HIVEP2: variants seen among roughly 807,000 people sequenced by gnomAD.
HIVEP2 encodes HIVEP zinc finger 2, also known as transcription factor HIVEP2.
In HIVEP2, 14 loss-of-function variants were observed where a neutral mutation model predicts 180.7. The observed-to-expected ratio is 0.08, with a 90% CI of 0.05 to 0.12. HIVEP2 has a LOEUF of 0.12. Ranked by LOEUF, HIVEP2 falls within the 10% of genes least tolerant of loss-of-function variation. HIVEP2 has a pLI of 1.00. For synonymous variants in HIVEP2, 1,184 were observed against 1,136.4 expected (o/e 1.04, Z -0.84); for missense variants, 2,579 against 3,008.5 (o/e 0.86, Z 3.34).
intron 1 of HIVEP2, among the ~76,000 whole-genome samples, chr6:142,913,544 T>C (rs1046629068): frequency 6.6e-6 from 1 of 152,236 alleles, no homozygotes; most frequent in Non-Finnish European, 1.5e-5. Context: ...ACTAAGTTTC[T>C]AGGCACTTTC....
At position 142,809,088 on chromosome 6, in the gene HIVEP2, T is replaced by C. The variant is rs1414697071; in HGVS notation, c.-527-25473A>G. ...ATATCACAGTATCAGTAGTATGGTA[T>C]GCCCAGCAGCAGGCAGAAAACATGC... On this transcript the variant is annotated intron_variant, in intron 2 of 9. Coordinates refer to ENST00000367603, the MANE Select transcript of HIVEP2 (RefSeq NM_006734.4). 5.3e-5 allele frequency among the ~76,000 whole-genome samples: 8 copies of C among 152,042 alleles called. No individual in the cohort carries two copies. In the East Asian group the frequency reaches 9.7e-4, roughly 18 times the overall value.
chr6:142,775,964 A>T (rs1775688159), intron 4 of HIVEP2, among the ~76,000 whole-genome samples, 183 bp downstream of exon 4: 1 of 151,816 alleles, frequency 6.6e-6, no homozygotes, highest in Non-Finnish European at 1.5e-5. Context: ...ATTACTATAA[A>T]GTATAACTAT....
chr6:142,904,406 T>C (rs780462847), intron 1 of HIVEP2, among the ~76,000 whole-genome samples: 33 of 152,318 alleles, frequency 2.2e-4, no homozygotes, highest in Middle Eastern at 3.4e-3. Context: ...AATTACATAG[T>C]TCCTTGTAAA....
chr6:142,823,766 T>C (rs1268550143), intron 2 of HIVEP2, among the ~76,000 whole-genome samples: 1 of 152,226 alleles, frequency 6.6e-6, no homozygotes, highest in Non-Finnish European at 1.5e-5. Context: ...ATGATGCCAA[T>C]TCTTTACATT....
chr6:142,908,854 CAAAAAAA>C (rs11443809), intron 1 of HIVEP2, among the ~76,000 whole-genome samples: 6 of 87,880 alleles, frequency 6.8e-5, no homozygotes, highest in African/African-American at 1.8e-4. Flanking sequence ...TACCACCTCT[CAAAAAAA>C]AAAAAAAAAA....
rs1317831269 is a variant in HIVEP2, at chr6:142,769,556, G to A, written c.5183C>T (p.Thr1728Ile). 1.2e-6 allele frequency: 2 copies of A among 1,613,518 alleles called. No homozygotes were observed. The highest frequency in any genetic ancestry group is 1.1e-5 in the South Asian group (1 of 91,018). The change falls in exon 5 of 10, where the codon ACT becomes ATT. Residue 1728 changes from threonine (T) to isoleucine (I), a missense_variant. By Grantham distance (89) the Thr-to-Ile change is moderately conservative. Around this residue, in one of 11 missense-constraint regions of HIVEP2, gnomAD observed 349 missense variants for 367.2 expected, o/e 0.95. Coordinates refer to ENST00000367603, the MANE Select transcript of HIVEP2 (RefSeq NM_006734.4). ...LTSSSAWKQF[T>I]QMKPDASFLF... ...TCCTAAAACAGTATTTGTTACCTGA[G>A]TAAACTGCTTCCAAGCACTTGATGA...
At chr6:142,791,126 T>C (rs535247839) in intron 2 of HIVEP2, among the ~76,000 whole-genome samples, 2 of 152,304 alleles carry the variant, frequency 1.3e-5, no homozygotes, top group South Asian at 4.1e-4. Flanking sequence ...TGTGTAGAGA[T>C]ATACAACCTC....
intron 1 of HIVEP2, among the ~76,000 whole-genome samples, chr6:142,854,499 A>G (rs1478886892): frequency 6.6e-6 from 1 of 152,226 alleles, no homozygotes; most frequent in Non-Finnish European, 1.5e-5. Flanking sequence ...CATCCTAAAG[A>G]TCGTGCTCAA....
At chr6:142,788,335 G>T (rs1427298886) in intron 2 of HIVEP2, 2 of 150,652 alleles carry the variant, frequency 1.3e-5, no homozygotes, top group South Asian at 2.1e-4. Context: ...TCAAAAAAAA[G>T]ACATTTACTG....
intron 4 of HIVEP2, 54 bp from the exon 5 acceptor site, chr6:142,775,179 CAAA>C (rs35710932): frequency 2.7e-3 from 854 of 320,966 alleles, no homozygotes; most frequent in Non-Finnish European, 3.5e-3. Flanking sequence ...AATAAGAAAC[CAAA>C]AAAAAAAAAA....
chr6:142,856,756 GC>G (rs1775832336), intron 1 of HIVEP2, among the ~76,000 whole-genome samples: 1 of 152,146 alleles, frequency 6.6e-6, no homozygotes, highest in Admixed American at 6.5e-5. Flanking sequence ...AAAGTCTAAT[GC>G]CCCTTTTTAT....
chr6:142,788,637 C>T lies in HIVEP2; in HGVS notation c.-527-5022G>A, dbSNP rs113117468. 3.9e-3 allele frequency among the ~76,000 whole-genome samples: 589 copies of T among 152,118 alleles called. 6 individuals are homozygous for T. Among genetic ancestry groups the T allele is most frequent in the African/African-American group, 0.013 (558 of 41,480 alleles). ...CTGAGGCAGGAAAATCTCTTGAACC[C>T]GGGAAGCAGAGGTTGCAGTGAGCCA... On this transcript the variant is annotated intron_variant, in intron 2 of 9. Coordinates refer to ENST00000367603, the MANE Select transcript of HIVEP2 (RefSeq NM_006734.4).
rs761390839 is a variant in HIVEP2, at chr6:142,773,359, A to G, written c.1380T>C (p.Pro460=). The part of the protein sequence containing the change: ...MGRKGIMEPL[P]HVNTRLDVKM... ...TGACATCTAACCTGGTGTTAACGTG[A>G]GGTAATGGTTCCATTATGCCCTTCC... Residue 460 remains proline, a synonymous_variant, in exon 5 of 10, where the codon CCT becomes CCC. Transcript: ENST00000367603. 6.2e-7 allele frequency: 1 copy of G among 1,614,138 alleles called. No individual in the cohort carries two copies. Among genetic ancestry groups the G allele is most frequent in the Non-Finnish European group, 8.5e-7 (1 of 1,180,014 alleles).
intron 1 of HIVEP2, among the ~76,000 whole-genome samples, chr6:142,837,803 T>C (rs760015805): frequency 1.3e-5 from 2 of 152,050 alleles, no homozygotes; most frequent in Non-Finnish European, 2.9e-5. Flanking sequence ...CTAAAATGAA[T>C]GCTAGAGGGT....
At chr6:142,940,135 G>C (rs1197900228) in intron 1 of HIVEP2, among the ~76,000 whole-genome samples, 2 of 152,144 alleles carry the variant, frequency 1.3e-5, no homozygotes. Context: ...AGCTCATGCA[G>C]GGCTCCAAAG....
At chr6:142,863,148 A>T (rs1302228668) in intron 1 of HIVEP2, among the ~76,000 whole-genome samples, 2 of 148,420 alleles carry the variant, frequency 1.3e-5, no homozygotes, top group Non-Finnish European at 3.0e-5. Flanking sequence ...AGCAAATGCA[A>T]TATATAAAAA....
intron 1 of HIVEP2, among the ~76,000 whole-genome samples, chr6:142,898,123 A>G (rs1040091971): frequency 7.9e-5 from 12 of 152,176 alleles, no homozygotes; most frequent in African/African-American, 2.2e-4. Flanking sequence ...CACTGCAGTG[A>G]TAACAACCTA....
chr6:142,777,502 G>A (rs6930918), intron 3 of HIVEP2, among the ~76,000 whole-genome samples: 187 of 151,822 alleles, frequency 1.2e-3, no homozygotes, highest in African/African-American at 4.4e-3. Context: ...TAAAAAATTA[G>A]CCAGGCGTGG....
intron 1 of HIVEP2, among the ~76,000 whole-genome samples, chr6:142,886,272 CA>C (rs1776695546): frequency 6.6e-6 from 1 of 152,088 alleles, no homozygotes; most frequent in South Asian, 2.1e-4. Flanking sequence ...GAGCAAATGA[CA>C]AGTAAGATGT....
Sources: allele counts gnomAD v4.1 joint callset (sites outside exome capture counted in the v4.1 genomes callset), GRCh38; gene constraint gnomAD v4.1.1; regional missense constraint gnomAD v4.1.1; transcripts MANE v1.5; gene names NCBI Gene and HGNC (gene_info 2026-07-23, HGNC 2026-07-21).